Variants in OPN3 observed in about 807,000 individuals in gnomAD.
The protein encoded by OPN3 is opsin 3.
A neutral mutation model predicts 33.8 loss-of-function variants in OPN3; 29 were observed. The observed-to-expected ratio is 0.86, with a 90% CI of 0.64 to 1.17. The LOEUF (loss-of-function observed/expected upper bound fraction) is 1.17, where lower values mean the gene tolerates loss of function less well. Ranked by LOEUF, OPN3 falls within the 50% of genes most tolerant of loss-of-function variation. The pLI, the probability that OPN3 is intolerant of heterozygous loss-of-function variation, is 0.00. For missense variants in OPN3, 437 were observed against 514.1 expected, an observed-to-expected ratio of 0.85 and a Z score of 1.45; for synonymous variants, 216 against 216.1, an observed-to-expected ratio of 1.00 and a Z score of 0.00.
At chr1:241,635,526 G>T (rs761424192) in intron 1 of OPN3, 6 of 1,613,922 alleles carry the variant, frequency 3.7e-6, no homozygotes, top group Non-Finnish European at 5.1e-6. Flanking sequence ...TCTGTTTCAT[G>T]GATCAGGTCC....
intron 3 of OPN3, chr1:241,595,484 G>A (rs1171178139): frequency 6.6e-6 from 1 of 152,202 alleles, no homozygotes; most frequent in African/African-American, 2.4e-5. Flanking sequence ...TCACTGAAAT[G>A]TTGGGGTTGC....
intron 1 of OPN3, among the ~76,000 whole-genome samples, chr1:241,607,867 C>G (rs907990573): frequency 6.6e-6 from 1 of 152,026 alleles, no homozygotes; most frequent in Non-Finnish European, 1.5e-5. Context: ...ATTCAAATCA[C>G]AGTAGTGATT....
At chr1:241,630,835 A>T (rs530819991) in intron 1 of OPN3, 1 of 152,198 alleles carries the variant, frequency 6.6e-6, no homozygotes, top group East Asian at 1.9e-4. Flanking sequence ...GGATTTTACT[A>T]TTTGTTCTTT....
At chr1:241,638,137 C>G (rs1573970387) in intron 1 of OPN3, among the ~76,000 whole-genome samples, 1 of 152,196 alleles carries the variant, frequency 6.6e-6, no homozygotes, top group Non-Finnish European at 1.5e-5. Context: ...GTTTCCACCT[C>G]TACATTAAAA....
intron 1 of OPN3, among the ~76,000 whole-genome samples, chr1:241,622,065 A>C (rs902782035): frequency 6.6e-6 from 1 of 152,156 alleles, no homozygotes; most frequent in African/African-American, 2.4e-5. Flanking sequence ...AGACATAGTG[A>C]TCAAGGGCAC....
At chr1:241,627,360 CT>C (rs1171163679) in intron 1 of OPN3, among the ~76,000 whole-genome samples, 3 of 152,168 alleles carry the variant, frequency 2.0e-5, no homozygotes, top group Non-Finnish European at 2.9e-5. Flanking sequence ...ATAAATCACT[CT>C]TGAGATGCAA....
At chr1:241,634,446 G>A (rs771412466) in intron 1 of OPN3, 2 of 1,613,542 alleles carry the variant, frequency 1.2e-6, no homozygotes, top group South Asian at 1.1e-5. Flanking sequence ...TCCTCAGAAA[G>A]GTAACTGTCT....
At chr1:241,628,538 C>T (rs1486728458) in intron 1 of OPN3, among the ~76,000 whole-genome samples, 1 of 152,154 alleles carries the variant, frequency 6.6e-6, no homozygotes, top group Non-Finnish European at 1.5e-5. Flanking sequence ...ACTTTCATCT[C>T]CACGGTTTTT....
At chr1:241,595,990 T>C (rs1663497194) in intron 3 of OPN3, among the ~76,000 whole-genome samples, 1 of 152,242 alleles carries the variant, frequency 6.6e-6, no homozygotes, top group Non-Finnish European at 1.5e-5. Context: ...TTAGACTTCC[T>C]GTTTAAAGTA....
chr1:241,634,539 C>T lies in OPN3; in HGVS notation c.373+5343G>A, dbSNP rs79951803. On this transcript the variant is annotated intron_variant, in intron 1 of 3. Transcript: ENST00000366554. ...CATCGTCCAGATTCTTTGTCGACTA[C>T]AAAGCATTGTACTTTATGACGAAGA... 1.9e-6 allele frequency: 3 copies of T among 1,613,772 alleles called. No individual in the cohort carries two copies. The African/African-American group carries it at 4.0e-5, about 22-fold the overall frequency.
chr1:241,607,575 G>A (rs79276665), intron 1 of OPN3, among the ~76,000 whole-genome samples: 2 of 110,168 alleles, frequency 1.8e-5, no homozygotes, highest in Non-Finnish European at 3.8e-5. Context: ...AAGAAAGAAA[G>A]AAAAGAAAGA....
chr1:241,594,054 CAT>C lies in OPN3; in HGVS notation c.*372_*373del, dbSNP rs1448919141. ...TTCAGTATGTTCTAGCTACTTCACA[CAT>C]GTGTACGCGACAGTTATTTTTACAG... On this transcript the variant is annotated 3_prime_UTR_variant, in exon 4 of 4. Coordinates refer to ENST00000366554, the MANE Select transcript of OPN3 (RefSeq NM_014322.3). 28 of 214,830 alleles carry C rather than the reference CAT, an allele frequency of 1.3e-4. No homozygotes were observed. Among genetic ancestry groups the C allele is most frequent in the African/African-American group, 9.4e-5 (4 of 42,674 alleles). The allele number at this position is 214,830 out of a possible 1,614,324, so 13.3% of individuals were successfully genotyped here.
rs763012711 is a variant in OPN3, at chr1:241,604,304, C to G, written c.649G>C (p.Val217Leu). 9.3e-6 allele frequency: 15 copies of G among 1,614,102 alleles called. No homozygotes were observed. The East Asian group carries it at 2.0e-4, about 22-fold the overall frequency. ...FLGCLVVPLG[V>L]IAHCYGHILY... ...ATATGGCCATAGCAATGGGCTATGA[C>G]ACCCAGGGGCACCACCAGGCAGCCA... Residue 217 changes from valine (V) to leucine (L), a missense_variant, in exon 2 of 4, where the codon GTC becomes CTC. Val to Leu is a conservative substitution (Grantham distance 32). Coordinates refer to ENST00000366554, the MANE Select transcript of OPN3 (RefSeq NM_014322.3).
intron 1 of OPN3, chr1:241,635,247 C>T: frequency 6.2e-7 from 1 of 1,613,842 alleles, no homozygotes; most frequent in Non-Finnish European, 8.5e-7. Context: ...TCCACTGATT[C>T]CTCTACATCA....
intron 1 of OPN3, among the ~76,000 whole-genome samples, chr1:241,625,675 G>C (rs1025730817): frequency 1.3e-5 from 2 of 152,118 alleles, no homozygotes; most frequent in Non-Finnish European, 2.9e-5. Flanking sequence ...GGGAACTGGG[G>C]GATCTATATG....
At chr1:241,625,541 A>G (rs1382214788) in intron 1 of OPN3, among the ~76,000 whole-genome samples, 1 of 152,174 alleles carries the variant, frequency 6.6e-6, no homozygotes, top group Non-Finnish European at 1.5e-5. Flanking sequence ...CAAATTTCAA[A>G]CCTATACCAA....
chr1:241,596,434 G>C (rs1220789783), intron 3 of OPN3, among the ~76,000 whole-genome samples: 5 of 152,118 alleles, frequency 3.3e-5, no homozygotes, highest in Non-Finnish European at 7.4e-5. Flanking sequence ...CCAATTGAAG[G>C]CAACAAAACA....
At chr1:241,602,638 A>G (rs764292192) in intron 2 of OPN3, among the ~76,000 whole-genome samples, 11 of 151,582 alleles carry the variant, frequency 7.3e-5, no homozygotes, top group Non-Finnish European at 1.3e-4. Context: ...AAAGAGAGAC[A>G]GAGAGAGAGA....
At position 241,640,135 on chromosome 1, in the gene OPN3, G is replaced by A. The variant is rs767491650; in HGVS notation, c.120C>T (p.Thr40=). The change falls in exon 1 of 4, where the codon ACC becomes ACT. Residue 40 remains threonine, a synonymous_variant. Coordinates refer to ENST00000366554, the MANE Select transcript of OPN3 (RefSeq NM_014322.3). ...CCAGCAGCAGCGCCAGGCGCTCGTA[G>A]GTGCCGGGGCTGAAGAGGGGCGCGG... ...LSPAPLFSPG[T]YERLALLLGS... The A allele has an allele frequency of 4.1e-5, 65 of 1,593,626 alleles. No individual in the cohort carries two copies. The African/African-American group carries it at 8.2e-4, about 20-fold the overall frequency.
Sources: allele counts gnomAD v4.1 joint callset (sites outside exome capture counted in the v4.1 genomes callset), GRCh38; gene constraint gnomAD v4.1.1; transcripts MANE v1.5; gene names NCBI Gene and HGNC (gene_info 2026-07-23, HGNC 2026-07-21).